The following MYH11 variants were observed in gnomAD, a reference collection of about 807,000 sequenced individuals.
The protein encoded by MYH11 is myosin-11.
MYH11 carries 80 observed loss-of-function variants against 246.6 expected under a neutral mutation model. The ratio of observed to expected loss-of-function variants is 0.32; its 90% CI spans 0.27 to 0.39. MYH11 has a LOEUF of 0.39. Ranked by LOEUF, MYH11 falls within the 10% of genes least tolerant of loss-of-function variation. MYH11 has a pLI of 1.00. For synonymous variants in MYH11, 1,071 were observed against 1,015.5 expected (o/e 1.05, Z -1.04); for missense variants, 2,158 against 2,546.8 (o/e 0.85, Z 3.29).
intron 2 of MYH11, among the ~76,000 whole-genome samples, chr16:15,833,391 GGAAGGA>G (rs2043802051): frequency 6.6e-6 from 1 of 150,736 alleles, no homozygotes; most frequent in East Asian, 1.9e-4. Flanking sequence ...GAGGGAGGAA[GGAAGGA>G]AGGAAGGAAG....
chr16:15,827,769 C>T (rs1260009157), intron 2 of MYH11, among the ~76,000 whole-genome samples: 3 of 152,236 alleles, frequency 2.0e-5, no homozygotes, highest in East Asian at 1.9e-4. Context: ...ACTTCACCTC[C>T]GTGACCTGGG....
intron 27 of MYH11, among the ~76,000 whole-genome samples, chr16:15,730,452 G>A (rs2040928067): frequency 6.6e-6 from 1 of 151,824 alleles, no homozygotes; most frequent in African/African-American, 2.4e-5. Flanking sequence ...TGAGGCAGGA[G>A]AATCATTTGA....
At chr16:15,724,138 G>T in intron 31 of MYH11, 23 bp downstream of exon 31, 1 of 1,612,032 alleles carries the variant, frequency 6.2e-7, no homozygotes. Flanking sequence ...TGGCCAGAGT[G>T]GGGGACACCC....
At chr16:15,763,741 T>TCGCCCCCCCCC in intron 10 of MYH11, 55 bp downstream of exon 10, 1 of 646,858 alleles carries the variant, frequency 1.5e-6, no homozygotes, top group Non-Finnish European at 2.9e-6. Flanking sequence ...AAATGTCACC[T>TCGCCCCCCCCC]CCCCCACCCC....
chr16:15,767,924 T>A (rs759465568), intron 9 of MYH11, among the ~76,000 whole-genome samples: 129 of 146,666 alleles, frequency 8.8e-4, no homozygotes, highest in East Asian at 1.6e-3. Flanking sequence ...TCTTGTCTTT[T>A]AAAAAAAAAA....
At chr16:15,737,082 A>AT (rs2041139097) in intron 25 of MYH11, among the ~76,000 whole-genome samples, 1 of 152,082 alleles carries the variant, frequency 6.6e-6, no homozygotes. Flanking sequence ...AAGGAAGGTC[A>AT]TTCCCGCCTT....
At chr16:15,819,304 G>T (rs995470520) in intron 3 of MYH11, among the ~76,000 whole-genome samples, 2 of 152,220 alleles carry the variant, frequency 1.3e-5, no homozygotes, top group African/African-American at 4.8e-5. Flanking sequence ...AACACAGGGT[G>T]TCCTTGTCAA....
chr16:15,784,471 T>G (rs1268073497), intron 5 of MYH11, among the ~76,000 whole-genome samples: 1 of 152,070 alleles, frequency 6.6e-6, no homozygotes, highest in Non-Finnish European at 1.5e-5. Context: ...CCCTGGGGAC[T>G]CCAATAGGCG....
At chr16:15,742,108 A>G (rs1181975627) in intron 20 of MYH11, 2 of 674,848 alleles carry the variant, frequency 3.0e-6, no homozygotes, top group East Asian at 2.7e-5. Context: ...AACACCCTAC[A>G]GTGCACAGGA....
rs766093291 is a variant in MYH11 at position 15,721,493 on chromosome 16, C to G, written c.4507G>C (p.Glu1503Gln). Residue 1503 changes from glutamate to glutamine, a missense_variant, in exon 32 of 41, where the codon GAG (glutamate) becomes CAG (glutamine). Glu to Gln is a conservative substitution (Grantham distance 29, BLOSUM62 2). This residue lies in a region of MYH11 where 1,013 missense variants were observed against 993.5 expected (regional missense o/e 1.02). Transcript: ENST00000300036. ...EEALEAKEEL[E>Q]RTNKMLKAEM... is the part of the protein sequence containing the mutation. The stretch of plus-strand genomic sequence containing the variant: ...GCTTTGAGCATTTTGTTGGTCCGCT[C>G]GAGTTCCTCTTTGGCTTCCAAGGCC... 6.2e-7 allele frequency: 1 copy of G among 1,614,076 alleles called. No homozygotes were observed. Among genetic ancestry groups the G allele is most frequent in the African/African-American group, 1.3e-5 (1 of 74,924 alleles).
intron 2 of MYH11, among the ~76,000 whole-genome samples, chr16:15,833,438 C>T (rs926880992): frequency 2.3e-5 from 3 of 132,944 alleles, no homozygotes; most frequent in African/African-American, 9.1e-5. Flanking sequence ...TAACTCGAGG[C>T]AGACGAACTC....
intron 3 of MYH11, among the ~76,000 whole-genome samples, chr16:15,801,091 A>T (rs999832097): frequency 2.0e-5 from 3 of 152,102 alleles, no homozygotes; most frequent in Non-Finnish European, 2.9e-5. Flanking sequence ...TTGTAATCCC[A>T]GCTACTCAGA....
intron 3 of MYH11, among the ~76,000 whole-genome samples, chr16:15,810,772 G>C (rs551314794): frequency 6.6e-6 from 1 of 152,204 alleles, no homozygotes; most frequent in Non-Finnish European, 1.5e-5. Flanking sequence ...GAAGATGATT[G>C]AAAGAGACTG....
chr16:15,837,290 G>A (rs1336882786), intron 2 of MYH11, among the ~76,000 whole-genome samples: 2 of 152,162 alleles, frequency 1.3e-5, no homozygotes, highest in African/African-American at 4.8e-5. Flanking sequence ...AGGAAGGAAG[G>A]ACAGAGAACG....
chr16:15,726,799 C>T, intron 28 of MYH11, 49 bp downstream of exon 28: 1 of 1,600,390 alleles, frequency 6.2e-7, no homozygotes, highest in Non-Finnish European at 8.5e-7. Flanking sequence ...CCCCACAGAA[C>T]TGGGCACCAC....
chr16:15,781,452 C>A (rs2042350890), intron 6 of MYH11, among the ~76,000 whole-genome samples: 1 of 152,172 alleles, frequency 6.6e-6, no homozygotes, highest in Non-Finnish European at 1.5e-5. Flanking sequence ...AAGAGTCTTT[C>A]ACAGGGCCCC....
At chr16:15,767,334 G>T (rs763311631) in intron 9 of MYH11, among the ~76,000 whole-genome samples, 1 of 152,160 alleles carries the variant, frequency 6.6e-6, no homozygotes, top group African/African-American at 2.4e-5. Context: ...TACCTGCTTC[G>T]TGAAGTTTAG....
chr16:15,763,933 T>A, intron 9 of MYH11, 42 bp from the exon 10 acceptor site: 3 of 1,526,946 alleles, frequency 2.0e-6, no homozygotes, highest in South Asian at 1.1e-5. Context: ...CAAAGGTCAA[T>A]GCCAAGGTAC....
intron 3 of MYH11, among the ~76,000 whole-genome samples, chr16:15,805,413 A>G (rs922877401): frequency 6.6e-6 from 1 of 152,230 alleles, no homozygotes; most frequent in Non-Finnish European, 1.5e-5. Flanking sequence ...GGAAAAAGGT[A>G]CAGATGATAT....
Sources: allele counts gnomAD v4.1 joint callset (sites outside exome capture counted in the v4.1 genomes callset), GRCh38; gene constraint gnomAD v4.1.1; regional missense constraint gnomAD v4.1.1; transcripts MANE v1.5; gene names NCBI Gene and HGNC (gene_info 2026-07-23, HGNC 2026-07-21).